Variants in UBA5 observed in about 807,000 individuals in gnomAD.
UBA5 encodes the protein ubiquitin-like modifier-activating enzyme 5.
UBA5 carries 28 observed loss-of-function variants against 52.9 expected under a neutral mutation model. The observed-to-expected ratio is 0.53, with a 90% confidence interval of 0.39 to 0.73. UBA5 has a LOEUF of 0.73. Ranked by LOEUF, UBA5 falls within the 30% of genes least tolerant of loss-of-function variation. The pLI is 0.00. For missense variants in UBA5, 388 were observed against 492.7 expected (o/e 0.79, Z 2.01); for synonymous variants, 135 against 162.1 (o/e 0.83, Z 1.27).
At chr3:132,671,147 G>A (rs1214695194) in intron 6 of UBA5, 98 bp downstream of exon 6, 3 of 1,000,958 alleles carry the variant, frequency 3.0e-6, no homozygotes, top group Non-Finnish European at 4.6e-6. Flanking sequence ...AGTTCTGAAT[G>A]TAAACCCTTT....
At chr3:132,655,428 G>T (rs1937734855), upstream of UBA5, among the ~76,000 whole-genome samples, 1 of 152,140 alleles carries the variant, frequency 6.6e-6, no homozygotes, top group Admixed American at 6.5e-5. Context: ...TTGCCTGACA[G>T]GGTCCCTGTT....
upstream of UBA5, chr3:132,660,264 C>G (rs1266285903): frequency 3.6e-6 from 2 of 557,698 alleles, no homozygotes; most frequent in Non-Finnish European, 6.4e-6. The surrounding 1 kb of genome is among the most constrained non-coding windows in gnomAD (Gnocchi z 4.1). Flanking sequence ...CCGGGTTTAG[C>G]CGGCCCAGCG....
chr3:132,672,076 A>G lies in UBA5; in HGVS notation c.711A>G (p.Ala237=), dbSNP rs749878628. 1.2e-6 allele frequency: 2 copies of G among 1,613,914 alleles called. No individual in the cohort carries two copies. The highest frequency in any genetic ancestry group is 1.7e-6 in the Non-Finnish European group (2 of 1,179,930). Reference sequence around the variant, plus strand: ...GTGCTCCACCACTTGTAGTTGCTGCAAATATTGATGAAAAGACTCTGAAAC... The same window carrying G: ...GTGCTCCACCACTTGTAGTTGCTGCGAATATTGATGAAAAGACTCTGAAAC... ...FACAPPLVVA[A]NIDEKTLKRE... Residue 237 remains alanine (A), a synonymous_variant, in exon 8 of 12, where the codon GCA becomes GCG. Transcript: ENST00000356232.
Position 132,655,318 on chromosome 3 carries a change from GTTGT to G in UBA5, c.-8+663_-8+666del, listed in dbSNP as rs746103556. 1.1e-3 allele frequency among the ~76,000 whole-genome samples: 172 copies of G among 151,018 alleles called. 1 individual carries two copies. Among genetic ancestry groups the G allele is most frequent in the Admixed American group, 5.4e-3 (83 of 15,256 alleles). On this transcript the variant is annotated intron_variant, in intron 1 of 11. Transcript: ENST00000264991. ...CAGAGATTCTGTTTTTTTTGTTGTT[GTTGT>G]TTGTTTGTTTGTTTAAAGATTACTT... is the stretch of plus-strand genomic sequence containing the variant.
chr3:132,676,890 A>G lies in UBA5; in HGVS notation c.*364A>G, dbSNP rs912498167. On this transcript the variant is annotated 3_prime_UTR_variant, in exon 12 of 12. Coordinates refer to ENST00000356232, the MANE Select transcript of UBA5 (RefSeq NM_024818.6). This position sits in a 1 kb window ranked among gnomAD's most constrained non-coding sequence, Gnocchi z 4.1. ...TGTCTGTTGCATGAGGACATGGACA[A>G]TAAAGTAGTATATGATCCTCAGATA... 4.4e-6 allele frequency: 2 copies of G among 457,716 alleles called. No homozygotes were observed. Among genetic ancestry groups the G allele is most frequent in the African/African-American group, 2.0e-5 (1 of 50,164 alleles). 28.4% of individuals were successfully genotyped at this position (457,716 alleles called of 1,614,324 possible).
chr3:132,663,529 G>GGGGTTGGAACTCCAACTC (rs1255419953), intron 1 of UBA5, among the ~76,000 whole-genome samples: 1 of 152,114 alleles, frequency 6.6e-6, no homozygotes, highest in Admixed American at 6.6e-5. Flanking sequence ...AGCTGATCGT[G>GGGGTTGGAACTCCAACTC]GGGTTGGAAC....
intron 8 of UBA5, among the ~76,000 whole-genome samples, chr3:132,674,367 C>T (rs1938739380): frequency 6.6e-6 from 1 of 152,112 alleles, no homozygotes; most frequent in Non-Finnish European, 1.5e-5. Flanking sequence ...ACAAAAACTG[C>T]AATTACTTTT....
At chr3:132,665,890 T>G (rs1361751249) in intron 2 of UBA5, 22 bp downstream of exon 2, 4 of 1,613,120 alleles carry the variant, frequency 2.5e-6, no homozygotes, top group Non-Finnish European at 3.4e-6. Flanking sequence ...CCTTTCCAAG[T>G]TTTTGTAAGA....
In UBA5 at chr3:132,660,736, CGAGGTCAGGCTCCGT is replaced by C. The variant is rs1449101892; in HGVS notation, c.161+47_161+61del. 2.7e-6 allele frequency: 4 copies of C among 1,501,088 alleles called. No homozygotes were observed. Among genetic ancestry groups the C allele is most frequent in the Middle Eastern group, 1.8e-4 (1 of 5,668 alleles). The allele number at this position is 1,501,088 out of a possible 1,614,324, so 93.0% of individuals were successfully genotyped here. On this transcript the variant is annotated intron_variant, in intron 1 of 11. Transcript: ENST00000356232. This position sits in a 1 kb window ranked among gnomAD's most constrained non-coding sequence, Gnocchi z 4.1. The stretch of plus-strand genomic sequence containing the variant: ...GCCGGTCGGAGGCAGGCGCGGGGGA[CGAGGTCAGGCTCCGT>C]GAGGTCAGAAGTGAGGCGCTTCCCA...
Position 132,675,267 on chromosome 3 carries a change from A to T in UBA5, c.832A>T (p.Thr278Ser). Residue 278 changes from threonine (T) to serine (S), a missense_variant, in exon 9 of 12, where the codon ACT (threonine) becomes TCT (serine). By Grantham distance (58) the Thr-to-Ser change is moderately conservative. Coordinates refer to ENST00000356232, the MANE Select transcript of UBA5 (RefSeq NM_024818.6). ...NVLKFLLNFG[T>S]VSFYLGYNAM... ...TTCTAGGTTTCTGTTAAATTTTGGTACTGTTAGTTTTTACCTTGGATACAA... is the reference window on the plus strand; with the variant it reads ...TTCTAGGTTTCTGTTAAATTTTGGTTCTGTTAGTTTTTACCTTGGATACAA... 1.2e-6 allele frequency: 2 copies of T among 1,607,172 alleles called. No homozygotes were observed. The highest frequency in any genetic ancestry group is 1.7e-6 in the Non-Finnish European group (2 of 1,175,464).
Position 132,671,773 on chromosome 3 carries a change from T to C in UBA5, c.580-4T>C, listed in dbSNP as rs1267838304. The C allele has an allele frequency of 1.2e-6, 2 of 1,604,552 alleles. No homozygotes were observed. The highest frequency in any genetic ancestry group is 1.7e-5 in the Admixed American group (1 of 57,566). ...TCCTTATGTTTTCACCCATTTCTAC[T>C]AAGGCTTGTAATGAACTTGGACAAA... On this transcript the variant is annotated splice_polypyrimidine_tract_variant and splice_region_variant and intron_variant, in intron 6 of 11. Coordinates refer to ENST00000356232, the MANE Select transcript of UBA5 (RefSeq NM_024818.6).
chr3:132,671,833 T>G lies in UBA5; in HGVS notation c.636T>G (p.Val212=), dbSNP rs1938618693. The part of the protein sequence containing the change: ...WMESGVSENA[V]SGHIQLIIPG... ...AATCTGGGGTCAGTGAAAATGCAGT[T>G]TCAGGGCATATACAGCTTATAATTC... is the stretch of plus-strand genomic sequence containing the variant. The change falls in exon 7 of 12, where the codon GTT becomes GTG. Residue 212 remains valine (V), a synonymous_variant. Coordinates refer to ENST00000356232, the MANE Select transcript of UBA5 (RefSeq NM_024818.6). 2 of 1,613,874 alleles carry G rather than the reference T, an allele frequency of 1.2e-6. No homozygotes were observed. Among genetic ancestry groups the G allele is most frequent in the South Asian group, 2.2e-5 (2 of 91,036 alleles).
chr3:132,660,278 A>G (rs543052381), upstream of UBA5: 249 of 569,278 alleles, frequency 4.4e-4, 2 homozygotes, highest in Middle Eastern at 1.9e-3. The surrounding 1 kb of genome is among the most constrained non-coding windows in gnomAD (Gnocchi z 4.1). Context: ...CCCAGCGAGG[A>G]AGGAAGCCGA....
intron 2 of UBA5, 39 bp downstream of exon 2, chr3:132,665,907 C>A (rs187555931): frequency 6.2e-7 from 1 of 1,610,722 alleles, no homozygotes; most frequent in Admixed American, 1.7e-5. Flanking sequence ...AAGATTAATT[C>A]AGTAAATTAA....
intron 1 of UBA5, chr3:132,661,023 T>C (rs1938134032): frequency 7.2e-7 from 1 of 1,395,862 alleles, no homozygotes; most frequent in African/African-American, 1.4e-5. Flanking sequence ...TTTCAGAAGA[T>C]GAGATCAAAT....
intron 7 of UBA5, 83 bp from the exon 8 acceptor site, chr3:132,671,967 A>G: frequency 6.2e-7 from 1 of 1,601,684 alleles, no homozygotes; most frequent in Non-Finnish European, 8.5e-7. Flanking sequence ...ATTCAAAGAA[A>G]AAGCAAACTT....
At chr3:132,670,415 T>C in intron 5 of UBA5, 131 bp downstream of exon 5, 1 of 504,258 alleles carries the variant, frequency 2.0e-6, no homozygotes. Context: ...AGTACAGCAA[T>C]TTTTGTGTAA....
chr3:132,675,604 G>C lies in UBA5; in HGVS notation c.949-1G>C. Reference sequence around the variant, plus strand: ...ACTTTGATGCTGTTTGATTTCTACAGAAAAAGGTAGCAGCACTGCCTAAAC... The same window carrying C: ...ACTTTGATGCTGTTTGATTTCTACACAAAAAGGTAGCAGCACTGCCTAAAC... On this transcript the variant is annotated splice_acceptor_variant, in intron 9 of 11. Coordinates refer to ENST00000356232, the MANE Select transcript of UBA5 (RefSeq NM_024818.6). LOFTEE classifies it high-confidence loss of function. The C allele has an allele frequency of 6.2e-7, 1 of 1,609,458 alleles. No individual in the cohort carries two copies. Among genetic ancestry groups the C allele is most frequent in the South Asian group, 1.1e-5 (1 of 89,894 alleles).
rs1287647320 is a variant in UBA5, at chr3:132,660,556, C to G, written c.19C>G (p.Arg7Gly). The G allele has an allele frequency of 6.5e-7, 1 of 1,549,492 alleles. No homozygotes were observed. The highest frequency in any genetic ancestry group is 1.2e-5 in the South Asian group (1 of 84,000). The change falls in exon 1 of 12, where the codon CGC (arginine) becomes GGC (glycine). Residue 7 changes from arginine to glycine, a missense_variant. Physicochemically the swap from Arg to Gly is moderately radical, Grantham distance 125. This residue lies in a region of UBA5 where 95 missense variants were observed against 107.0 expected (regional missense o/e 0.89). Transcript: ENST00000356232. This position sits in a 1 kb window ranked among gnomAD's most constrained non-coding sequence, Gnocchi z 4.1. ...CCCAGCCATGGCGGAGTCTGTGGAG[C>G]GCCTGCAGCAGCGGGTCCAGGAGCT... The part of the protein sequence containing the change: MAESVE[R>G]LQQRVQELER...
Sources: allele counts gnomAD v4.1 joint callset (sites outside exome capture counted in the v4.1 genomes callset), GRCh38; gene constraint gnomAD v4.1.1; regional missense constraint gnomAD v4.1.1; non-coding constraint Gnocchi (gnomAD v3.1); transcripts MANE v1.5; gene names NCBI Gene and HGNC (gene_info 2026-07-23, HGNC 2026-07-21).